Variants in ZNF385B observed in about 807,000 individuals in gnomAD.
ZNF385B encodes zinc finger protein 533.
A neutral mutation model predicts 39.2 loss-of-function variants in ZNF385B; 23 were observed. That is an observed-to-expected ratio of 0.59 (90% CI 0.42 to 0.83). ZNF385B has a LOEUF of 0.83. Among genes scored for constraint, ZNF385B ranks in the 40% least tolerant of loss-of-function variants. The pLI, the probability that ZNF385B is intolerant of heterozygous loss-of-function variation, is 0.00. For synonymous variants in ZNF385B, 205 were observed against 222.6 expected (o/e 0.92, Z 0.70); for missense variants, 552 against 598.9 (o/e 0.92, Z 0.82).
chr2:179,766,080 A>G (rs1703676455), intron 3 of ZNF385B, among the ~76,000 whole-genome samples: 1 of 138,532 alleles, frequency 7.2e-6, no homozygotes, highest in Admixed American at 7.0e-5. Context: ...GACTGGTTTC[A>G]GGTACACTCT....
At chr2:179,476,400 A>C (rs995777972) in intron 6 of ZNF385B, among the ~76,000 whole-genome samples, 14 of 152,192 alleles carry the variant, frequency 9.2e-5, no homozygotes, top group African/African-American at 3.4e-4. Flanking sequence ...TAGTGATATA[A>C]GCTTTAACAA....
At chr2:179,672,922 A>G (rs1446054231) in intron 3 of ZNF385B, among the ~76,000 whole-genome samples, 1 of 152,180 alleles carries the variant, frequency 6.6e-6, no homozygotes, top group African/African-American at 2.4e-5. Context: ...CTTAGGTCTG[A>G]CAGCTGAATA....
intron 3 of ZNF385B, among the ~76,000 whole-genome samples, chr2:179,596,422 T>C (rs1471774499): frequency 1.3e-5 from 2 of 152,226 alleles, no homozygotes; most frequent in African/African-American, 4.8e-5. Flanking sequence ...CTGGCAGTTT[T>C]CTGCTGATAT....
At chr2:179,652,846 C>CAAAAA (rs10653511) in intron 3 of ZNF385B, among the ~76,000 whole-genome samples, 1 of 140,498 alleles carries the variant, frequency 7.1e-6, no homozygotes, top group African/African-American at 2.6e-5. Context: ...AGCAAAGCAC[C>CAAAAA]AAAAAAAAAA....
intron 3 of ZNF385B, among the ~76,000 whole-genome samples, chr2:179,605,264 T>C (rs905056092): frequency 1.7e-4 from 26 of 152,166 alleles, no homozygotes; most frequent in African/African-American, 6.0e-4. Flanking sequence ...TAAGATTTAC[T>C]TTCTGATTAA....
chr2:179,493,635 GTA>G (rs1399570128), intron 5 of ZNF385B, among the ~76,000 whole-genome samples: 11 of 106,120 alleles, frequency 1.0e-4, no homozygotes, highest in African/African-American at 3.8e-4. Flanking sequence ...ATACGCATAT[GTA>G]TACACATATG....
intron 3 of ZNF385B, among the ~76,000 whole-genome samples, chr2:179,603,706 T>C (rs765487953): frequency 6.6e-6 from 1 of 152,144 alleles, no homozygotes; most frequent in African/African-American, 2.4e-5. Context: ...TAAAAACAGA[T>C]TGACAGTAGT....
chr2:179,663,814 C>A (rs773400611), intron 3 of ZNF385B, among the ~76,000 whole-genome samples: 1 of 151,632 alleles, frequency 6.6e-6, no homozygotes, highest in East Asian at 1.9e-4. Flanking sequence ...CGTCAGGCAT[C>A]CTTCCGGGGA....
intron 3 of ZNF385B, among the ~76,000 whole-genome samples, chr2:179,648,087 C>T (rs1163023586): frequency 6.6e-6 from 1 of 151,948 alleles, no homozygotes; most frequent in Admixed American, 6.6e-5. Flanking sequence ...ATGGGGGCAA[C>T]CCGAGTGGAG....
intron 5 of ZNF385B, among the ~76,000 whole-genome samples, chr2:179,503,462 C>A (rs765344667): frequency 5.3e-5 from 8 of 152,190 alleles, no homozygotes; most frequent in Non-Finnish European, 1.0e-4. Context: ...ATGTTTAAAT[C>A]TCTAGAAAGC....
At chr2:179,507,577 G>T (rs1447419195) in intron 5 of ZNF385B, among the ~76,000 whole-genome samples, 1 of 152,044 alleles carries the variant, frequency 6.6e-6, no homozygotes, top group Non-Finnish European at 1.5e-5. Context: ...TTATATTACT[G>T]TATTAACATC....
intron 4 of ZNF385B, among the ~76,000 whole-genome samples, chr2:179,527,300 G>T (rs772376399): frequency 6.6e-6 from 1 of 152,104 alleles, no homozygotes; most frequent in South Asian, 2.1e-4. Flanking sequence ...GTACAGAATA[G>T]CATTTCATTT....
chr2:179,562,635 CCTT>C, intron 3 of ZNF385B: 1 of 972,428 alleles, frequency 1.0e-6, no homozygotes, highest in Non-Finnish European at 1.2e-6. Flanking sequence ...GGGCAGAAAA[CCTT>C]CTGATGACAC....
At chr2:179,678,975 A>G (rs1697233149) in intron 3 of ZNF385B, among the ~76,000 whole-genome samples, 2 of 152,212 alleles carry the variant, frequency 1.3e-5, no homozygotes, top group African/African-American at 4.8e-5. Flanking sequence ...ACCAAATTAT[A>G]ATTTCCTTAA....
chr2:179,584,364 G>A (rs1686861674), intron 3 of ZNF385B, among the ~76,000 whole-genome samples: 1 of 152,068 alleles, frequency 6.6e-6, no homozygotes, highest in African/African-American at 2.4e-5. Flanking sequence ...GAGAACTGCT[G>A]CAATGCAGTA....
intron 3 of ZNF385B, among the ~76,000 whole-genome samples, chr2:179,670,869 G>A (rs1695893978): frequency 6.6e-6 from 1 of 152,228 alleles, no homozygotes; most frequent in South Asian, 2.1e-4. Flanking sequence ...GGAGGATAAA[G>A]GCTAAGAGTG....
intron 5 of ZNF385B, among the ~76,000 whole-genome samples, chr2:179,501,553 G>A (rs2056761828): frequency 6.6e-6 from 1 of 152,138 alleles, no homozygotes; most frequent in Non-Finnish European, 1.5e-5. Context: ...TGGACACAGA[G>A]AGTAGAAGGA....
chr2:179,791,344 A>G (rs1176012021), intron 1 of ZNF385B, among the ~76,000 whole-genome samples: 1 of 152,228 alleles, frequency 6.6e-6, no homozygotes, highest in Non-Finnish European at 1.5e-5. Flanking sequence ...AAAATCATGT[A>G]ACTTTTGAAG....
At chr2:179,593,748 C>T (rs1218816961) in intron 3 of ZNF385B, among the ~76,000 whole-genome samples, 2 of 152,136 alleles carry the variant, frequency 1.3e-5, no homozygotes, top group African/African-American at 4.8e-5. Flanking sequence ...TTAACTCATC[C>T]AAGTTATAAC....
Sources: allele counts gnomAD v4.1 joint callset (sites outside exome capture counted in the v4.1 genomes callset), GRCh38; gene constraint gnomAD v4.1.1; transcripts MANE v1.5; gene names NCBI Gene and HGNC (gene_info 2026-07-23, HGNC 2026-07-21).